Variants in TRPC6 observed in about 807,000 individuals in gnomAD.
TRPC6 encodes transient receptor potential cation channel subfamily C member 6.
TRPC6 carries 55 observed loss-of-function variants against 90.7 expected under a neutral mutation model. The observed-to-expected ratio is 0.61, with a 90% CI of 0.49 to 0.76. The LOEUF is 0.76. TRPC6 is among the 30% of genes least tolerant of loss of function. TRPC6 has a pLI of 0.00. For synonymous variants in TRPC6, 393 were observed against 393.0 expected, an observed-to-expected ratio of 1.00 and a Z score of 0.00; for missense variants, 989 against 1,122.7, an observed-to-expected ratio of 0.88 and a Z score of 1.70.
intron 1 of TRPC6, among the ~76,000 whole-genome samples, chr11:101,551,654 C>A (rs946439247): frequency 6.6e-6 from 1 of 151,936 alleles, no homozygotes; most frequent in African/African-American, 2.4e-5. Flanking sequence ...TTATCTCTGC[C>A]AATTAATGAT....
chr11:101,470,937 C>T (rs552418698), intron 9 of TRPC6, among the ~76,000 whole-genome samples: 1 of 151,874 alleles, frequency 6.6e-6, no homozygotes, highest in African/African-American at 2.4e-5. Flanking sequence ...TTTCAGTACC[C>T]ACTCCAGATA....
chr11:101,536,608 G>A (rs993820553), intron 1 of TRPC6, among the ~76,000 whole-genome samples: 1 of 152,046 alleles, frequency 6.6e-6, no homozygotes, highest in African/African-American at 2.4e-5. Flanking sequence ...TTCCAGAAAG[G>A]GAAAATAACT....
chr11:101,578,152 C>T (rs1368753942), intron 1 of TRPC6, among the ~76,000 whole-genome samples: 1 of 152,164 alleles, frequency 6.6e-6, no homozygotes, highest in Non-Finnish European at 1.5e-5. Flanking sequence ...CTTCTTGTGG[C>T]TTACATTCTA....
chr11:101,565,953 GACTT>G (rs1565247827), intron 1 of TRPC6, among the ~76,000 whole-genome samples: 1 of 152,022 alleles, frequency 6.6e-6, no homozygotes, highest in East Asian at 1.9e-4. Context: ...TTTAGACAAG[GACTT>G]ACTAATATTT....
intron 1 of TRPC6, among the ~76,000 whole-genome samples, chr11:101,561,888 A>G (rs1861722675): frequency 6.6e-6 from 1 of 151,232 alleles, no homozygotes; most frequent in African/African-American, 2.4e-5. Flanking sequence ...ATATGTATTT[A>G]TAAATACAAA....
intron 7 of TRPC6, among the ~76,000 whole-genome samples, chr11:101,472,904 G>C (rs893999599): frequency 6.6e-6 from 1 of 151,864 alleles, no homozygotes; most frequent in Non-Finnish European, 1.5e-5. Flanking sequence ...TTACATTTCA[G>C]TTGTTGCTTC....
chr11:101,489,084 G>A lies in TRPC6; in HGVS notation c.1146C>T (p.Asn382=). ...YEVKKFVAHP[N]CQQQLLSIWY... is the part of the protein sequence containing the mutation. ...AAATGGAGAGAAGTTGCTGTTGGCA[G>A]TTTGGATGAGCTACAAACTAGCAGG... is the stretch of plus-strand genomic sequence containing the variant. Residue 382 remains asparagine, a synonymous_variant, in exon 4 of 13, where the codon AAC becomes AAT. Transcript: ENST00000344327. The A allele has an allele frequency of 6.2e-7, 1 of 1,614,164 alleles. No homozygotes were observed.
At chr11:101,534,692 T>C (rs1186903684) in intron 1 of TRPC6, among the ~76,000 whole-genome samples, 1 of 152,184 alleles carries the variant, frequency 6.6e-6, no homozygotes, top group African/African-American at 2.4e-5. Flanking sequence ...TATTTAGAAG[T>C]AGTGGTTCAT....
chr11:101,474,780 T>G (rs983876993), intron 6 of TRPC6, among the ~76,000 whole-genome samples: 4 of 152,206 alleles, frequency 2.6e-5, no homozygotes, highest in African/African-American at 9.6e-5. Flanking sequence ...CATCCAGGTT[T>G]CTACGAGGTG....
intron 1 of TRPC6, among the ~76,000 whole-genome samples, chr11:101,540,896 A>G (rs966114346): frequency 1.3e-5 from 2 of 152,194 alleles, no homozygotes; most frequent in Admixed American, 6.5e-5. Context: ...GATTAAATAT[A>G]ACCTACACAA....
intron 1 of TRPC6, among the ~76,000 whole-genome samples, chr11:101,540,095 C>T (rs2136817517): frequency 6.6e-6 from 1 of 152,302 alleles, no homozygotes; most frequent in East Asian, 1.9e-4. Context: ...AGTTCTTTAG[C>T]TTCTCTTAGC....
intron 5 of TRPC6, among the ~76,000 whole-genome samples, chr11:101,479,283 T>G (rs1195475399): frequency 6.6e-6 from 1 of 152,242 alleles, no homozygotes; most frequent in Non-Finnish European, 1.5e-5. Context: ...AGCCCAGGAC[T>G]GCATCTGCTT....
intron 2 of TRPC6, among the ~76,000 whole-genome samples, chr11:101,499,671 ATATATATATACACAATATAAAATGTG>A (rs1278209073): frequency 1.2e-5 from 1 of 80,224 alleles, no homozygotes; most frequent in African/African-American, 6.6e-5. Context: ...TAAAATGTGT[ATATATATATACACAATATAAAATGTG>A]TATATATATA....
chr11:101,526,727 G>T (rs1331857594), intron 1 of TRPC6, among the ~76,000 whole-genome samples: 1 of 151,528 alleles, frequency 6.6e-6, no homozygotes, highest in Non-Finnish European at 1.5e-5. Flanking sequence ...AGCTGGGCGT[G>T]GTGGCGGGTG....
intron 1 of TRPC6, among the ~76,000 whole-genome samples, chr11:101,568,889 A>T (rs1861893813): frequency 6.6e-6 from 1 of 152,196 alleles, no homozygotes. Context: ...GAAACAACCG[A>T]TACAAGCCAC....
intron 1 of TRPC6, among the ~76,000 whole-genome samples, chr11:101,567,686 G>C (rs189998991): frequency 6.8e-4 from 103 of 152,294 alleles, no homozygotes; most frequent in Non-Finnish European, 1.3e-3. Context: ...AGCAATCTGG[G>C]CTATTCTGCA....
intron 11 of TRPC6, 107 bp downstream of exon 11, chr11:101,454,911 A>G (rs941635312): frequency 7.6e-6 from 6 of 789,670 alleles, no homozygotes; most frequent in Admixed American, 2.6e-5. Flanking sequence ...GAATTAATGC[A>G]TTATTTGATA....
chr11:101,566,946 C>T (rs984309054), intron 1 of TRPC6, among the ~76,000 whole-genome samples: 5 of 152,130 alleles, frequency 3.3e-5, no homozygotes. Flanking sequence ...ACTGGGTGGC[C>T]CTTGGAGCAG....
At chr11:101,534,469 T>G (rs1860988746) in intron 1 of TRPC6, among the ~76,000 whole-genome samples, 1 of 152,056 alleles carries the variant, frequency 6.6e-6, no homozygotes, top group Non-Finnish European at 1.5e-5. Flanking sequence ...GTACTACTAC[T>G]GCCCACACTA....
Sources: gnomAD v4.1 joint callset for allele counts (sites outside exome capture counted in the v4.1 genomes callset) on GRCh38, gnomAD v4.1.1 for gene constraint, MANE v1.5 for transcripts, NCBI Gene and HGNC (gene_info 2026-07-23, HGNC 2026-07-21) for gene names.